MID1: variants seen among roughly 807,000 people sequenced by gnomAD.
The protein encoded by MID1 is midline 1, also known as E3 ubiquitin-protein ligase Midline-1.
A neutral mutation model predicts 40.4 loss-of-function variants in MID1; 7 were observed. The observed-to-expected ratio is 0.17, with a 90% CI of 0.10 to 0.33. The LOEUF (loss-of-function observed/expected upper bound fraction) is 0.33. Among genes scored for constraint, MID1 ranks in the 10% least tolerant of loss-of-function variants. MID1 has a pLI of 1.00. For missense variants in MID1, 367 were observed against 558.5 expected (o/e 0.66, Z 3.46); for synonymous variants, 229 against 221.2 (o/e 1.04, Z -0.31).
rs946613923 is a variant in MID1, at chrX:10,674,750, T to C, written c.-186-54331A>G. 5.3e-5 allele frequency among the ~76,000 whole-genome samples: 6 copies of C among 112,154 alleles called. No homozygotes were observed. The East Asian group carries it at 1.7e-3, about 31-fold the overall frequency. On this transcript the variant is annotated intron_variant, in intron 1 of 10. Transcript: ENST00000380785. ...TTATCTCACACTCAGGACTCCCAAA[T>C]TGACTGCCAGCATTCCGTAAACAAT...
rs377261175 is a variant in MID1, at chrX:10,696,382, C to G, written c.-186-75963G>C. Among the ~76,000 whole-genome samples, 5 of 111,595 alleles carry G rather than the reference C, an allele frequency of 4.5e-5. No homozygotes were observed. In the East Asian group the frequency reaches 1.4e-3, roughly 31 times the overall value. On this transcript the variant is annotated intron_variant, in intron 1 of 10. Coordinates refer to the MID1 transcript ENST00000380785. The stretch of plus-strand genomic sequence containing the variant: ...GAAGAGATGCAACACTGAAGCATGC[C>G]AATATATAAAACCCCAGGTCAAAGG...
At chrX:10,539,576 C>T (rs1298836719) in intron 2 of MID1, among the ~76,000 whole-genome samples, 2 of 112,033 alleles carry the variant, frequency 1.8e-5, no homozygotes, top group African/African-American at 6.5e-5. Flanking sequence ...CAAAACCAAA[C>T]AAACAAAAAA....
intron 1 of MID1, among the ~76,000 whole-genome samples, chrX:10,779,088 C>T (rs886694126): frequency 3.5e-5 from 4 of 112,715 alleles, no homozygotes; most frequent in Non-Finnish European, 7.5e-5. Context: ...AACTAGAAAG[C>T]AGCTGGGGTC....
At chrX:10,703,535 T>C (rs1472892208) in intron 1 of MID1, among the ~76,000 whole-genome samples, 2 of 110,641 alleles carry the variant, frequency 1.8e-5, no homozygotes, top group Non-Finnish European at 3.8e-5. Flanking sequence ...GGTGCGGTGG[T>C]GCGCACCCAT....
chrX:10,751,974 T>C (rs1468855377), intron 1 of MID1, among the ~76,000 whole-genome samples: 1 of 111,186 alleles, frequency 9.0e-6, no homozygotes, highest in Non-Finnish European at 1.9e-5. Flanking sequence ...ACCTCCCCCT[T>C]CTCTCTCTTG....
intron 1 of MID1, among the ~76,000 whole-genome samples, chrX:10,691,497 T>C (rs1161508933): frequency 1.8e-5 from 2 of 112,366 alleles, no homozygotes; most frequent in Non-Finnish European, 3.8e-5. Flanking sequence ...TGAACATAAA[T>C]TGTGAAGATT....
At position 10,657,307 on chromosome X, in the gene MID1, T is replaced by C. The variant is rs12012020; in HGVS notation, c.-186-36888A>G. 3.2e-3 allele frequency among the ~76,000 whole-genome samples: 360 copies of C among 111,836 alleles called. 2 individuals carry two copies. The highest frequency in any genetic ancestry group is 0.011 in the African/African-American group (346 of 30,772). The stretch of plus-strand genomic sequence containing the variant: ...TCTCCCCCAAATAAATTACATGCCC[T>C]TGAAATTTTGTCTCAAGGTCTGCAT... On this transcript the variant is annotated intron_variant, in intron 1 of 10. Coordinates refer to the MID1 transcript ENST00000380785.
At chrX:10,603,110 C>T (rs1935562769) in intron 1 of MID1, among the ~76,000 whole-genome samples, 3 of 112,183 alleles carry the variant, frequency 2.7e-5, no homozygotes, top group South Asian at 7.4e-4. Context: ...CTGGAAAAAG[C>T]TCCTGAATCC....
chrX:10,712,593 C>A (rs2043276460), intron 1 of MID1, among the ~76,000 whole-genome samples: 1 of 110,646 alleles, frequency 9.0e-6, no homozygotes. Context: ...AAGTCAAGGG[C>A]CAAATGGGGC....
chrX:10,783,309 T>A (rs2043858636), intron 1 of MID1, among the ~76,000 whole-genome samples: 1 of 111,570 alleles, frequency 9.0e-6, no homozygotes, highest in African/African-American at 3.3e-5. Context: ...TCTATTAAAT[T>A]TATCCATTTT....
intron 2 of MID1, among the ~76,000 whole-genome samples, chrX:10,536,652 A>C (rs891681921): frequency 8.9e-6 from 1 of 112,536 alleles, no homozygotes; most frequent in South Asian, 3.7e-4. Context: ...TTTTCTGTAG[A>C]ATCTAGAAGG....
chrX:10,722,310 A>G (rs1031628649), intron 1 of MID1, among the ~76,000 whole-genome samples: 2 of 112,200 alleles, frequency 1.8e-5, no homozygotes, highest in African/African-American at 6.5e-5. Flanking sequence ...TTGAGTCTCA[A>G]AAATGCATCT....
intron 1 of MID1, among the ~76,000 whole-genome samples, chrX:10,721,786 C>T (rs767521102): frequency 4.9e-4 from 53 of 108,900 alleles, no homozygotes; most frequent in African/African-American, 1.7e-3. Context: ...ATAAAGAATA[C>T]AGCCAAGCAT....
chrX:10,727,057 C>T (rs1471768171), intron 1 of MID1, among the ~76,000 whole-genome samples: 1 of 112,946 alleles, frequency 8.9e-6, no homozygotes, highest in Non-Finnish European at 1.9e-5. Context: ...TGTAATGTCT[C>T]TGTTATATGG....
At chrX:10,464,737 ACACT>A (rs1929242073) in intron 7 of MID1, among the ~76,000 whole-genome samples, 1 of 111,893 alleles carries the variant, frequency 8.9e-6, no homozygotes, top group African/African-American at 3.2e-5. Flanking sequence ...TTCCTAGTTG[ACACT>A]CAGTTGACTC....
At chrX:10,737,468 C>T (rs767263133) in intron 1 of MID1, among the ~76,000 whole-genome samples, 20 of 112,556 alleles carry the variant, frequency 1.8e-4, no homozygotes, top group Non-Finnish European at 3.2e-4. Context: ...ACATGCCGGC[C>T]GCGGCCAATG....
chrX:10,520,069 T>C (rs1285196401), intron 3 of MID1, among the ~76,000 whole-genome samples: 3 of 112,354 alleles, frequency 2.7e-5, no homozygotes, highest in Admixed American at 9.4e-5. Flanking sequence ...GTTGCATAAA[T>C]AAGCTGACAC....
At chrX:10,619,613 A>G (rs1417597706) in intron 1 of MID1, among the ~76,000 whole-genome samples, 2 of 112,498 alleles carry the variant, frequency 1.8e-5, no homozygotes, top group Non-Finnish European at 3.8e-5. Flanking sequence ...GAATTTTATC[A>G]TCATGCCCCA....
At chrX:10,529,974 C>G (rs1001361850) in intron 2 of MID1, among the ~76,000 whole-genome samples, 3 of 111,515 alleles carry the variant, frequency 2.7e-5, no homozygotes, top group Admixed American at 9.5e-5. Flanking sequence ...CTTCTCTCAG[C>G]TTTGCTAAAC....
Sources: allele counts gnomAD v4.1 joint callset (sites outside exome capture counted in the v4.1 genomes callset), GRCh38; gene constraint gnomAD v4.1.1; transcripts MANE v1.5; gene names NCBI Gene and HGNC (gene_info 2026-07-23, HGNC 2026-07-21).